Variants in MAGI2 observed in about 807,000 individuals in gnomAD.
The protein encoded by MAGI2 is membrane-associated guanylate kinase, WW and PDZ domain-containing protein 2.
In MAGI2, 35 loss-of-function variants were observed where a neutral mutation model predicts 133.3. That is an observed-to-expected ratio of 0.26 (90% CI 0.20 to 0.35). The LOEUF is 0.35. Among genes scored for constraint, MAGI2 ranks in the 10% least tolerant of loss-of-function variants. MAGI2 has a pLI of 1.00. For missense variants in MAGI2, 1,636 were observed against 1,863.4 expected, an observed-to-expected ratio of 0.88 and a Z score of 2.25; for synonymous variants, 729 against 710.6, an observed-to-expected ratio of 1.03 and a Z score of -0.41.
At chr7:79,451,794 C>T (rs1285196741) in intron 1 of MAGI2, among the ~76,000 whole-genome samples, 1 of 152,122 alleles carries the variant, frequency 6.6e-6, no homozygotes, top group Non-Finnish European at 1.5e-5. Context: ...TGTACATCGA[C>T]GACAACAACA....
At chr7:78,458,897 G>C (rs941779113) in intron 6 of MAGI2, among the ~76,000 whole-genome samples, 1 of 152,198 alleles carries the variant, frequency 6.6e-6, no homozygotes, top group Non-Finnish European at 1.5e-5. Context: ...GCTTCCCAAA[G>C]TGTTGGGATT....
rs941333193 is a variant in MAGI2 at position 79,022,241 on chromosome 7, T to C, written c.302-15035A>G. Among the ~76,000 whole-genome samples the C allele has an allele frequency of 2.0e-5, 3 of 152,184 alleles. No homozygotes were observed. In the East Asian group the frequency reaches 5.8e-4, roughly 29 times the overall value. On this transcript the variant is annotated intron_variant, in intron 1 of 21. Coordinates refer to ENST00000354212, the MANE Select transcript of MAGI2 (RefSeq NM_012301.4). ...AAGAAAATCACTCGAAATAATACAATTAAATGGACATTAAACAACTTGCTC... is the reference window on the plus strand; with the variant it reads ...AAGAAAATCACTCGAAATAATACAACTAAATGGACATTAAACAACTTGCTC...
At chr7:78,646,296 A>C (rs998961474) in intron 2 of MAGI2, among the ~76,000 whole-genome samples, 2 of 152,188 alleles carry the variant, frequency 1.3e-5, no homozygotes, top group Non-Finnish European at 2.9e-5. Context: ...CTGGAGTCTT[A>C]AAGTATGGTT....
chr7:79,269,597 A>G (rs1834726507), intron 1 of MAGI2, among the ~76,000 whole-genome samples: 2 of 152,222 alleles, frequency 1.3e-5, no homozygotes, highest in Non-Finnish European at 2.9e-5. Flanking sequence ...ACCTATACAT[A>G]AAAATGCCTT....
intron 21 of MAGI2, among the ~76,000 whole-genome samples, chr7:78,065,183 A>G (rs2151146507): frequency 6.6e-6 from 1 of 152,170 alleles, no homozygotes; most frequent in Non-Finnish European, 1.5e-5. Flanking sequence ...CTCTCTTTCT[A>G]TCGGACACAA....
intron 21 of MAGI2, chr7:78,078,082 T>C (rs1416373017): frequency 6.6e-6 from 1 of 151,952 alleles, no homozygotes; most frequent in Non-Finnish European, 1.5e-5. Flanking sequence ...GTGAGTCAAT[T>C]TATCTTAATC....
rs761336714 is a variant in MAGI2, at chr7:79,453,193, T to C, written c.128A>G (p.Tyr43Cys). The change falls in exon 1 of 22, where the codon TAC (tyrosine) becomes TGC (cysteine). Residue 43 changes from tyrosine (Y) to cysteine (C), a missense_variant. By Grantham distance (194) the Tyr-to-Cys change is radical. This residue lies in a region of MAGI2 where 148 missense variants were observed against 239.0 expected (regional missense o/e 0.62). Transcript: ENST00000354212. ...KGGAENGQFP[Y>C]LGEVKPGKVA... ...CTTGCCGGGCTTCACCTCCCCCAGG[T>C]AGGGGAACTGTCCATTCTCGGCGCC... is the stretch of plus-strand genomic sequence containing the variant. 1 of 1,613,910 alleles carries C rather than the reference T, an allele frequency of 6.2e-7. No homozygotes were observed. Among genetic ancestry groups the C allele is most frequent in the Non-Finnish European group, 8.5e-7 (1 of 1,179,996 alleles).
At chr7:78,713,723 T>C (rs1237264874) in intron 2 of MAGI2, among the ~76,000 whole-genome samples, 2 of 152,280 alleles carry the variant, frequency 1.3e-5, no homozygotes, top group African/African-American at 2.4e-5. Flanking sequence ...TTTCCTTCAA[T>C]AGTATCACAA....
At chr7:78,465,118 C>CA (rs1007640624) in intron 6 of MAGI2, among the ~76,000 whole-genome samples, 21 of 151,966 alleles carry the variant, frequency 1.4e-4, no homozygotes, top group African/African-American at 3.9e-4. Context: ...CACAAAACAA[C>CA]AAAAAAAGTT....
At chr7:79,322,930 C>G (rs1839308897) in intron 1 of MAGI2, among the ~76,000 whole-genome samples, 1 of 152,084 alleles carries the variant, frequency 6.6e-6, no homozygotes, top group South Asian at 2.1e-4. Context: ...CCTCTAACTC[C>G]TAGGCTCAAG....
At chr7:78,148,527 T>G (rs373427640) in intron 16 of MAGI2, among the ~76,000 whole-genome samples, 3 of 152,142 alleles carry the variant, frequency 2.0e-5, no homozygotes, top group East Asian at 3.9e-4. Flanking sequence ...GATAAGAGGT[T>G]TTGGATGGAA....
chr7:79,405,092 G>T (rs986338632), intron 1 of MAGI2, among the ~76,000 whole-genome samples: 1 of 152,078 alleles, frequency 6.6e-6, no homozygotes, highest in Non-Finnish European at 1.5e-5. Flanking sequence ...TAACTACAAG[G>T]TGTCAGAAAA....
chr7:78,631,153 A>C (rs1348795494), intron 2 of MAGI2, among the ~76,000 whole-genome samples: 1 of 152,222 alleles, frequency 6.6e-6, no homozygotes, highest in African/African-American at 2.4e-5. Context: ...ACAGCATTTC[A>C]GGAAAATGTA....
intron 15 of MAGI2, among the ~76,000 whole-genome samples, chr7:78,166,790 A>G (rs958425064): frequency 6.6e-6 from 1 of 152,132 alleles, no homozygotes; most frequent in African/African-American, 2.4e-5. Context: ...GACATTTGCT[A>G]AGTTCTGGCC....
At chr7:79,389,817 G>T (rs974645150) in intron 1 of MAGI2, among the ~76,000 whole-genome samples, 1 of 151,994 alleles carries the variant, frequency 6.6e-6, no homozygotes, top group South Asian at 2.1e-4. Flanking sequence ...GGCTGGCTGG[G>T]ACCAGTTTGG....
At chr7:79,398,376 G>C (rs1845210129) in intron 1 of MAGI2, among the ~76,000 whole-genome samples, 1 of 152,016 alleles carries the variant, frequency 6.6e-6, no homozygotes, top group African/African-American at 2.4e-5. Context: ...TTTCCTTTTG[G>C]ATTTTACTGG....
intron 3 of MAGI2, among the ~76,000 whole-genome samples, chr7:78,608,424 A>G (rs1304174267): frequency 6.6e-6 from 1 of 151,266 alleles, no homozygotes; most frequent in Admixed American, 6.6e-5. Flanking sequence ...TTTTGTGGCG[A>G]CTGAATGTGT....
chr7:79,174,670 T>C (rs900263872), intron 1 of MAGI2, among the ~76,000 whole-genome samples: 16 of 150,284 alleles, frequency 1.1e-4, no homozygotes, highest in African/African-American at 3.5e-4. Flanking sequence ...CCCCCATCTC[T>C]ATATTAATAA....
intron 2 of MAGI2, among the ~76,000 whole-genome samples, chr7:78,820,733 G>A (rs367742986): frequency 4.9e-4 from 75 of 152,004 alleles, no homozygotes; most frequent in African/African-American, 1.7e-3. Flanking sequence ...TTTCAATGAT[G>A]AATAGGTCAA....
Sources: allele counts gnomAD v4.1 joint callset (sites outside exome capture counted in the v4.1 genomes callset), GRCh38; gene constraint gnomAD v4.1.1; regional missense constraint gnomAD v4.1.1; transcripts MANE v1.5; gene names NCBI Gene and HGNC (gene_info 2026-07-23, HGNC 2026-07-21).